The following PLCL1 variants were observed in gnomAD, a reference collection of about 807,000 sequenced individuals.
The protein encoded by PLCL1 is phospholipase C like 1 (inactive).
PLCL1 carries 41 observed loss-of-function variants against 84.4 expected under a neutral mutation model. The ratio of observed to expected loss-of-function variants is 0.49; its 90% confidence interval spans 0.38 to 0.63. The LOEUF (loss-of-function observed/expected upper bound fraction) is 0.63, where lower values mean the gene tolerates loss of function less well. Among genes scored for constraint, PLCL1 ranks in the 30% least tolerant of loss-of-function variants. The pLI, the probability that PLCL1 is intolerant of heterozygous loss-of-function variation, is 0.00. For synonymous variants in PLCL1, 490 were observed against 488.3 expected, an observed-to-expected ratio of 1.00 and a Z score of -0.05; for missense variants, 1,206 against 1,367.8, an observed-to-expected ratio of 0.88 and a Z score of 1.87.
intron 1 of PLCL1, among the ~76,000 whole-genome samples, chr2:197,962,435 AT>A (rs1423410525): frequency 6.6e-6 from 1 of 152,040 alleles, no homozygotes; most frequent in Non-Finnish European, 1.5e-5. Context: ...ACGTAAACTA[AT>A]TGAATTTCTT....
chr2:197,817,883 AT>A (rs564770667), intron 1 of PLCL1, among the ~76,000 whole-genome samples: 3 of 151,808 alleles, frequency 2.0e-5, no homozygotes, highest in Non-Finnish European at 4.4e-5. Context: ...GAATTTATTT[AT>A]TTTTTTTAAT....
chr2:198,089,542 A>G (rs1225668987), intron 3 of PLCL1, among the ~76,000 whole-genome samples: 1 of 152,178 alleles, frequency 6.6e-6, no homozygotes, highest in Non-Finnish European at 1.5e-5. Context: ...CATTCCAACC[A>G]TCAGGAGTGA....
At chr2:198,090,849 A>G (rs1175260779) in intron 3 of PLCL1, among the ~76,000 whole-genome samples, 1 of 152,218 alleles carries the variant, frequency 6.6e-6, no homozygotes, top group East Asian at 1.9e-4. Flanking sequence ...CTGGCCTGTA[A>G]TAAGCAGAAG....
chr2:198,113,359 C>T (rs994634544), intron 5 of PLCL1, among the ~76,000 whole-genome samples: 6 of 151,846 alleles, frequency 4.0e-5, no homozygotes, highest in African/African-American at 7.3e-5. Context: ...GTATCTGTTA[C>T]GTCTTTACTA....
At chr2:198,121,968 G>A (rs1574327833) in intron 5 of PLCL1, among the ~76,000 whole-genome samples, 1 of 152,114 alleles carries the variant, frequency 6.6e-6, no homozygotes, top group East Asian at 1.9e-4. Flanking sequence ...CTAGATCAGT[G>A]CTTCAGCTCC....
chr2:197,858,895 G>A (rs1359889791), intron 1 of PLCL1, among the ~76,000 whole-genome samples: 1 of 152,092 alleles, frequency 6.6e-6, no homozygotes, highest in Non-Finnish European at 1.5e-5. Context: ...TCAGTCAACT[G>A]TCTGGCAGTT....
intron 1 of PLCL1, among the ~76,000 whole-genome samples, chr2:198,015,428 A>C (rs1277656956): frequency 4.6e-5 from 7 of 152,222 alleles, no homozygotes; most frequent in Non-Finnish European, 8.8e-5. Context: ...GTAGTCACTT[A>C]AAAATCAGAA....
At chr2:198,067,100 A>G (rs1358110290) in intron 1 of PLCL1, among the ~76,000 whole-genome samples, 1 of 151,350 alleles carries the variant, frequency 6.6e-6, no homozygotes, top group Non-Finnish European at 1.5e-5. Context: ...AGAATTTTCC[A>G]TACCATGTCC....
intron 1 of PLCL1, among the ~76,000 whole-genome samples, chr2:197,939,541 T>C (rs1689115683): frequency 6.6e-6 from 1 of 152,108 alleles, no homozygotes; most frequent in African/African-American, 2.4e-5. Context: ...CTTCTCCTCC[T>C]GGTTTCTTCA....
At chr2:198,143,884 A>G (rs1414556993) in intron 5 of PLCL1, among the ~76,000 whole-genome samples, 2 of 117,138 alleles carry the variant, frequency 1.7e-5, no homozygotes, top group Non-Finnish European at 3.5e-5. Flanking sequence ...TTATTAGTTA[A>G]TAGTTTACCT....
chr2:197,958,335 A>G (rs191642237), intron 1 of PLCL1, among the ~76,000 whole-genome samples: 1 of 151,904 alleles, frequency 6.6e-6, no homozygotes, highest in African/African-American at 2.4e-5. Context: ...CATAAAATAC[A>G]CTAATATTAA....
At chr2:198,115,208 G>T (rs1305051495) in intron 5 of PLCL1, among the ~76,000 whole-genome samples, 1 of 151,858 alleles carries the variant, frequency 6.6e-6, no homozygotes, top group East Asian at 1.9e-4. Flanking sequence ...GTGGGTCAAA[G>T]TTCCAGGGCC....
At chr2:198,022,524 T>TTGG (rs1691161213) in intron 1 of PLCL1, among the ~76,000 whole-genome samples, 1 of 152,190 alleles carries the variant, frequency 6.6e-6, no homozygotes, top group Non-Finnish European at 1.5e-5. Context: ...CAAAACTCCT[T>TTGG]AAGCTGATAA....
intron 1 of PLCL1, among the ~76,000 whole-genome samples, chr2:197,898,297 A>C (rs1269746115): frequency 3.3e-5 from 5 of 152,170 alleles, no homozygotes. Context: ...GTCTTGATAG[A>C]TCAGAGGACA....
chr2:198,001,746 G>C (rs1690605721), intron 1 of PLCL1, among the ~76,000 whole-genome samples: 1 of 152,086 alleles, frequency 6.6e-6, no homozygotes, highest in Non-Finnish European at 1.5e-5. Flanking sequence ...GTGGGCAAGC[G>C]AGCTAAGCTT....
intron 1 of PLCL1, among the ~76,000 whole-genome samples, chr2:197,906,925 CTT>C (rs1688394606): frequency 6.6e-6 from 1 of 152,166 alleles, no homozygotes; most frequent in African/African-American, 2.4e-5. Context: ...TATCCTGAGA[CTT>C]TGCTGAAGTT....
intron 1 of PLCL1, among the ~76,000 whole-genome samples, chr2:198,016,851 T>C (rs531301550): frequency 1.3e-5 from 2 of 152,318 alleles, no homozygotes; most frequent in Middle Eastern, 3.4e-3. Context: ...TTTTCTACCT[T>C]CCTTGTGCCT....
chr2:198,139,988 C>G (rs953164287), intron 5 of PLCL1, among the ~76,000 whole-genome samples: 1 of 151,734 alleles, frequency 6.6e-6, no homozygotes, highest in South Asian at 2.1e-4. Context: ...GGCTGGAGGG[C>G]AGTGGTGCGA....
At chr2:197,923,083 A>AC (rs1199289006) in intron 1 of PLCL1, among the ~76,000 whole-genome samples, 58 of 121,136 alleles carry the variant, frequency 4.8e-4, no homozygotes, top group African/African-American at 1.7e-3. Flanking sequence ...CGGAGGGCTG[A>AC]CCCCCCCACC....
Sources: allele counts gnomAD v4.1 joint callset (sites outside exome capture counted in the v4.1 genomes callset), GRCh38; gene constraint gnomAD v4.1.1; transcripts MANE v1.5; gene names NCBI Gene and HGNC (gene_info 2026-07-23, HGNC 2026-07-21).